The following PDZK1 variants were observed in gnomAD, a reference collection of about 807,000 sequenced individuals.
PDZK1 encodes Na(+)/H(+) exchange regulatory cofactor NHE-RF3.
A neutral mutation model predicts 38.1 loss-of-function variants in PDZK1; 23 were observed. That is an observed-to-expected ratio of 0.60 (90% CI 0.43 to 0.85). The LOEUF (loss-of-function observed/expected upper bound fraction) is 0.85, where lower values mean the gene tolerates loss of function less well. PDZK1 is among the 40% of genes least tolerant of loss of function. PDZK1 has a pLI of 0.00. For missense variants in PDZK1, 297 were observed against 504.3 expected, an observed-to-expected ratio of 0.59 and a Z score of 3.94; for synonymous variants, 98 against 186.2, an observed-to-expected ratio of 0.53 and a Z score of 3.86.
At chr1:145,687,187 C>A (rs1417047605) in intron 2 of PDZK1, among the ~76,000 whole-genome samples, 3 of 151,846 alleles carry the variant, frequency 2.0e-5, no homozygotes, top group East Asian at 3.9e-4. Context: ...GTAACATATA[C>A]CTTATGAGGT....
chr1:145,672,023 T>C (rs9729174), intron 8 of PDZK1, among the ~76,000 whole-genome samples: 6,676 of 152,128 alleles, frequency 0.044, 509 homozygotes, highest in African/African-American at 0.15. Context: ...TAAACTTTTT[T>C]AGAGTCTCGG....
At position 145,687,794 on chromosome 1, in the gene PDZK1, C is replaced by T. The variant is rs367984140; in HGVS notation, c.210+18G>A. 6.3e-7 allele frequency: 1 copy of T among 1,590,896 alleles called. No individual in the cohort carries two copies. Among genetic ancestry groups the T allele is most frequent in the Non-Finnish European group, 8.6e-7 (1 of 1,158,966 alleles). On this transcript the variant is annotated intron_variant, in intron 2 of 8. Transcript: ENST00000417171. The stretch of plus-strand genomic sequence containing the variant: ...GCTGAAGAGATCCTGGAAGAAAAGC[C>T]CCAAATGTCTCATTCACCTGCATAT...
intron 5 of PDZK1, among the ~76,000 whole-genome samples, chr1:145,679,294 T>A (rs1654012696): frequency 6.6e-6 from 1 of 151,818 alleles, no homozygotes; most frequent in Admixed American, 6.6e-5. Flanking sequence ...CTGCCCATTC[T>A]CCATCCCAAA....
chr1:145,687,335 C>T (rs1240629750), intron 2 of PDZK1, among the ~76,000 whole-genome samples: 4 of 147,694 alleles, frequency 2.7e-5, no homozygotes, highest in East Asian at 2.0e-4. Flanking sequence ...CTGGCTAACA[C>T]GGTGAAACCC....
At chr1:145,680,383 C>G (rs1379618168) in intron 5 of PDZK1, among the ~76,000 whole-genome samples, 1 of 151,928 alleles carries the variant, frequency 6.6e-6, no homozygotes, top group Non-Finnish European at 1.5e-5. Flanking sequence ...ATGTATTTAC[C>G]TTCCCTGAAA....
At chr1:145,697,813 T>G (rs1241498295) in intron 1 of PDZK1, among the ~76,000 whole-genome samples, 2 of 132,704 alleles carry the variant, frequency 1.5e-5, no homozygotes, top group Non-Finnish European at 3.1e-5. Context: ...AGAGACAGGA[T>G]TTCACCATGT....
chr1:145,681,459 T>A (rs1367100207), intron 4 of PDZK1, among the ~76,000 whole-genome samples: 2 of 149,876 alleles, frequency 1.3e-5, no homozygotes, highest in African/African-American at 2.5e-5. Context: ...AATTTTTTTT[T>A]TTTTATTTTT....
intron 3 of PDZK1, among the ~76,000 whole-genome samples, chr1:145,683,710 A>T (rs1423395745): frequency 6.6e-6 from 1 of 152,204 alleles, no homozygotes; most frequent in Non-Finnish European, 1.5e-5. Flanking sequence ...CATACCTACA[A>T]TAGAGTTTAA....
At chr1:145,703,420 C>A (rs1331459458) in intron 1 of PDZK1, among the ~76,000 whole-genome samples, 1 of 152,032 alleles carries the variant, frequency 6.6e-6, no homozygotes, top group Non-Finnish European at 1.5e-5. Flanking sequence ...TAGGAACCAG[C>A]CTAGGTACTT....
At chr1:145,680,506 A>G (rs1285003141) in intron 5 of PDZK1, among the ~76,000 whole-genome samples, 2 of 151,926 alleles carry the variant, frequency 1.3e-5, no homozygotes, top group Non-Finnish European at 2.9e-5. Flanking sequence ...ACTGGCTCAC[A>G]CCGGCTCACA....
At chr1:145,697,637 A>C (rs1655701393) in intron 1 of PDZK1, among the ~76,000 whole-genome samples, 1 of 151,840 alleles carries the variant, frequency 6.6e-6, no homozygotes, top group South Asian at 2.1e-4. Context: ...TCGCTCTGTC[A>C]CCCAGGCTGG....
chr1:145,706,001 G>A (rs587770411), intron 1 of PDZK1, among the ~76,000 whole-genome samples: 2 of 152,176 alleles, frequency 1.3e-5, no homozygotes, highest in East Asian at 1.9e-4. Flanking sequence ...TGATCCTCCC[G>A]CTTGGGCATC....
At chr1:145,695,904 T>G (rs1392589710) in intron 1 of PDZK1, among the ~76,000 whole-genome samples, 1 of 152,162 alleles carries the variant, frequency 6.6e-6, no homozygotes, top group Non-Finnish European at 1.5e-5. Flanking sequence ...CATGCAGAGA[T>G]TATCTCAGAC....
Position 145,671,381 on chromosome 1 carries a change from T to C in PDZK1, c.*55A>G. 1 of 1,606,456 alleles carries C rather than the reference T, an allele frequency of 6.2e-7. No homozygotes were observed. Among genetic ancestry groups the C allele is most frequent in the Non-Finnish European group, 8.5e-7 (1 of 1,176,440 alleles). On this transcript the variant is annotated 3_prime_UTR_variant, in exon 9 of 9. Transcript: ENST00000417171. ...CTCATTCCTTGAGAAAGGATTCCTATTAAATACCCAGAAACAGCTATCAAA... is the reference window on the plus strand; with the variant it reads ...CTCATTCCTTGAGAAAGGATTCCTACTAAATACCCAGAAACAGCTATCAAA...
Position 145,683,683 on chromosome 1 carries a change from G to A in PDZK1, c.461-1047C>T, listed in dbSNP as rs1654475628. Among the ~76,000 whole-genome samples, 4 of 152,224 alleles carry A rather than the reference G, an allele frequency of 2.6e-5. No homozygotes were observed. The South Asian group carries it at 8.3e-4, about 32-fold the overall frequency. ...TAAGATAGTATACCGAACCCTATAT[G>A]TTTTTTCCTGTGCTTACATACCTAC... is the stretch of plus-strand genomic sequence containing the variant. On this transcript the variant is annotated intron_variant, in intron 3 of 8. Transcript: ENST00000417171.
intron 1 of PDZK1, among the ~76,000 whole-genome samples, chr1:145,693,855 C>A (rs1207201558): frequency 6.6e-6 from 1 of 152,048 alleles, no homozygotes; most frequent in African/African-American, 2.4e-5. Context: ...TCATGGGTCA[C>A]AGAGGAATGT....
In PDZK1 at chr1:145,681,347, A is replaced by G. The variant is rs1177405029; in HGVS notation, c.598-240T>C. On this transcript the variant is annotated intron_variant, in intron 4 of 8. Transcript: ENST00000417171. Reference sequence around the variant, plus strand: ...GCCCAGGCTGGAGTGCAGTGGCACTATCTCAGCTCACTGCAAGCTCTGCCT... The same window carrying G: ...GCCCAGGCTGGAGTGCAGTGGCACTGTCTCAGCTCACTGCAAGCTCTGCCT... Among the ~76,000 whole-genome samples, 6 of 145,276 alleles carry G rather than the reference A, an allele frequency of 4.1e-5. 2 individuals carry two copies. Among genetic ancestry groups the G allele is most frequent in the African/African-American group, 1.6e-4 (6 of 36,998 alleles).
rs1194773127 is a variant in PDZK1, at chr1:145,671,446, G to GTATC, written c.1546_1549dup (p.Thr517ArgfsTer34). 1.3e-6 allele frequency: 2 copies of GTATC among 1,571,126 alleles called. No individual in the cohort carries two copies. Among genetic ancestry groups the GTATC allele is most frequent in the African/African-American group, 1.3e-5 (1 of 74,100 alleles). The stretch of plus-strand genomic sequence containing the variant: ...TATTACTTGTTTTCATCACATCTCT[G>GTATC]TATCTTCAGAATTGGAAGAAGAATG... On this transcript the variant is annotated frameshift_variant, in exon 9 of 9. Transcript: ENST00000417171. LOFTEE classifies it high-confidence loss of function.
chr1:145,681,496 G>C (rs1203345342), intron 4 of PDZK1, among the ~76,000 whole-genome samples: 2 of 149,284 alleles, frequency 1.3e-5, no homozygotes, highest in African/African-American at 5.1e-5. Flanking sequence ...CACCTTGTTA[G>C]CCAGGATGGT....
Sources: gnomAD v4.1 joint callset for allele counts (sites outside exome capture counted in the v4.1 genomes callset) on GRCh38, gnomAD v4.1.1 for gene constraint, MANE v1.5 for transcripts, NCBI Gene and HGNC (gene_info 2026-07-23, HGNC 2026-07-21) for gene names.